Variants in TNFRSF13B observed in about 807,000 individuals in gnomAD.
The protein encoded by TNFRSF13B is tumor necrosis factor receptor superfamily member 13B.
In TNFRSF13B, 34 loss-of-function variants were observed where a neutral mutation model predicts 24.0. That is an observed-to-expected ratio of 1.41 (90% CI 1.08 to 1.88). The LOEUF (loss-of-function observed/expected upper bound fraction) is 1.88. Among genes scored for constraint, TNFRSF13B ranks in the 40% most tolerant of loss-of-function variants. The probability of loss-of-function intolerance (pLI) is 0.00; values close to 1 mark genes in which losing one functional copy is unlikely to be tolerated. For missense variants in TNFRSF13B, 415 were observed against 380.8 expected (o/e 1.09, Z -0.75); for synonymous variants, 173 against 150.3 (o/e 1.15, Z -1.10).
Position 16,939,553 on chromosome 17 carries a change from ACCTGGGCCCCCCT to A in TNFRSF13B, c.863_875del (p.Glu288ValfsTer32). On this transcript the variant is annotated frameshift_variant, in exon 5 of 5. Transcript: ENST00000261652. LOFTEE classifies it high-confidence loss of function. ...TTCCCTCCCTGACCCCCATTTATGC[ACCTGGGCCCCCCT>A]CCTGGGCAGGCACACACACAATGCC... The A allele has an allele frequency of 6.2e-7, 1 of 1,602,340 alleles. No homozygotes were observed. Among genetic ancestry groups the A allele is most frequent in the Non-Finnish European group, 8.5e-7 (1 of 1,175,696 alleles).
Position 16,939,155 on chromosome 17 carries a change from C to T in TNFRSF13B, c.*392G>A, listed in dbSNP as rs190709636. On this transcript the variant is annotated 3_prime_UTR_variant, in exon 5 of 5. Coordinates refer to ENST00000261652, the MANE Select transcript of TNFRSF13B (RefSeq NM_012452.3). The stretch of plus-strand genomic sequence containing the variant: ...TCTCGGGGGCTGTGAGCAGCAGGCA[C>T]GAGGACTTTATTGCACGTGTGGTTA... The T allele has an allele frequency of 7.0e-4, 124 of 176,874 alleles. No individual in the cohort carries two copies. Among genetic ancestry groups the T allele is most frequent in the Middle Eastern group, 5.1e-3 (2 of 390 alleles). The allele number at this position is 176,874 out of a possible 1,614,324, so 11.0% of individuals were successfully genotyped here.
intron 1 of TNFRSF13B, among the ~76,000 whole-genome samples, chr17:16,956,461 G>T (rs1214240694): frequency 6.6e-6 from 1 of 152,238 alleles, no homozygotes; most frequent in Non-Finnish European, 1.5e-5. Context: ...CTAGTCAAAG[G>T]TGTGAAATCA....
intron 4 of TNFRSF13B, 188 bp downstream of exon 4, chr17:16,940,138 G>C: frequency 7.0e-7 from 1 of 1,431,130 alleles, no homozygotes. Context: ...ACCCTTCCCG[G>C]GTGCCACTCT....
intron 3 of TNFRSF13B, among the ~76,000 whole-genome samples, chr17:16,948,176 G>A (rs926648887): frequency 2.6e-5 from 4 of 152,020 alleles, no homozygotes; most frequent in African/African-American, 7.3e-5. Flanking sequence ...CAGACACTGG[G>A]GCCTACTAGA....
At chr17:16,947,438 G>A (rs2087557062) in intron 3 of TNFRSF13B, among the ~76,000 whole-genome samples, 1 of 152,200 alleles carries the variant, frequency 6.6e-6, no homozygotes, top group Non-Finnish European at 1.5e-5. Context: ...GAAAATGTTT[G>A]CAAACTATGC....
chr17:16,939,743 G>A lies in TNFRSF13B; in HGVS notation c.686C>T (p.Thr229Ile). 1 of 1,608,940 alleles carries A rather than the reference G, an allele frequency of 6.2e-7. No individual in the cohort carries two copies. Among genetic ancestry groups the A allele is most frequent in the Non-Finnish European group, 8.5e-7 (1 of 1,176,870 alleles). The change falls in exon 5 of 5, where the codon ACC becomes ATC. Residue 229 changes from threonine to isoleucine, a missense_variant. Thr to Ile is a moderately conservative substitution (Grantham distance 89). Coordinates refer to ENST00000261652, the MANE Select transcript of TNFRSF13B (RefSeq NM_012452.3). ...PVSTSPEPVE[T>I]CSFCFPECRA... ...GCACTCAGGGAAGCAGAAGCTGCAG[G>A]TCTCCACTGGCTCGGGGGATGTGCT...
rs141019076 is a variant in TNFRSF13B, at chr17:16,941,541, G to A, written c.446-1030C>T. The A allele has an allele frequency of 9.0e-5, 89 of 987,586 alleles. No homozygotes were observed. The African/African-American group carries it at 1.3e-3, about 15-fold the overall frequency. The allele number at this position is 987,586 out of a possible 1,614,324, so 61.2% of individuals were successfully genotyped here. A position where few individuals can be genotyped will look rare whatever the true frequency, so the allele number is the denominator to read the frequency against. ...CGTCAAGAAGAGCGAGTCCCACTTC[G>A]TGCCGGGCACTTCCCCTACAGCACC... On this transcript the variant is annotated intron_variant, in intron 3 of 4. Coordinates refer to ENST00000261652, the MANE Select transcript of TNFRSF13B (RefSeq NM_012452.3).
intron 3 of TNFRSF13B, among the ~76,000 whole-genome samples, chr17:16,942,199 C>G (rs917789390): frequency 1.9e-4 from 29 of 152,134 alleles, no homozygotes; most frequent in African/African-American, 6.5e-4. Flanking sequence ...ATCTGCCGTT[C>G]ACACTCCATT....
chr17:16,939,674 T>C lies in TNFRSF13B; in HGVS notation c.755A>G (p.Asp252Gly). 1.2e-6 allele frequency: 2 copies of C among 1,610,936 alleles called. No homozygotes were observed. Among genetic ancestry groups the C allele is most frequent in the East Asian group, 4.5e-5 (2 of 44,796 alleles). Reference protein sequence around the residue: ...QESAVTPGTPDPTCAGRWGCH... With the variant: ...QESAVTPGTPGPTCAGRWGCH... ...CCCCCACCTTCCAGCACAAGTGGGG[T>C]CGGGGGTCCCAGGCGTGACTGCGCT... Residue 252 changes from aspartate to glycine, a missense_variant, in exon 5 of 5, where the codon GAC (aspartate) becomes GGC (glycine). Asp to Gly is a moderately conservative substitution (Grantham distance 94). Coordinates refer to ENST00000261652, the MANE Select transcript of TNFRSF13B (RefSeq NM_012452.3).
At chr17:16,952,321 G>T in intron 2 of TNFRSF13B, 125 bp downstream of exon 2, 1 of 1,394,456 alleles carries the variant, frequency 7.2e-7, no homozygotes, top group Non-Finnish European at 9.9e-7. Context: ...GGTAAGAGGT[G>T]CCACACTGTA....
chr17:16,961,343 A>G (rs1465894388), intron 1 of TNFRSF13B, among the ~76,000 whole-genome samples: 3 of 152,238 alleles, frequency 2.0e-5, no homozygotes, highest in Non-Finnish European at 4.4e-5. Flanking sequence ...AAACAGCCCA[A>G]TCGTTTATCA....
chr17:16,940,259 G>A (rs748055408), intron 4 of TNFRSF13B, 67 bp downstream of exon 4: 34 of 1,611,510 alleles, frequency 2.1e-5, no homozygotes, highest in South Asian at 4.4e-5. Flanking sequence ...TGACAGGACC[G>A]AGGGATGGCC....
intron 1 of TNFRSF13B, among the ~76,000 whole-genome samples, chr17:16,960,360 T>C (rs9889948): frequency 0.82 from 124,703 of 152,160 alleles, 51,716 homozygotes; most frequent in East Asian, 1. Context: ...TGCCACTTCT[T>C]TTCAACATAG....
rs1222922562 is a variant in TNFRSF13B at position 16,939,312 on chromosome 17, C to T, written c.*235G>A. ...CCCTCTCTGCCTCTCTCCCTCTCTG[C>T]CTCTCTCCTTCTCTGCCTGTCTCTT... On this transcript the variant is annotated 3_prime_UTR_variant, in exon 5 of 5. Coordinates refer to ENST00000261652, the MANE Select transcript of TNFRSF13B (RefSeq NM_012452.3). 1.2e-5 allele frequency: 6 copies of T among 507,288 alleles called. No homozygotes were observed. In the East Asian group the frequency reaches 1.7e-4, roughly 15 times the overall value. 31.4% of individuals were successfully genotyped at this position (507,288 alleles called of 1,614,324 possible).
chr17:16,939,643 G>A lies in TNFRSF13B; in HGVS notation c.786C>T (p.His262=), dbSNP rs1214015712. Reference sequence around the variant, plus strand: ...AAGGCTGCAGGACTGTGGTCCTGGTGTGGCACCCCCACCTTCCAGCACAAG... The same window carrying A: ...AAGGCTGCAGGACTGTGGTCCTGGTATGGCACCCCCACCTTCCAGCACAAG... The part of the protein sequence containing the change: ...DPTCAGRWGC[H]TRTTVLQPCP... The change falls in exon 5 of 5, where the codon CAC becomes CAT. Residue 262 remains histidine (H), a synonymous_variant. Transcript: ENST00000261652. 1.9e-6 allele frequency: 3 copies of A among 1,612,900 alleles called. No individual in the cohort carries two copies. Among genetic ancestry groups the A allele is most frequent in the Admixed American group, 3.3e-5 (2 of 59,930 alleles).
In TNFRSF13B at chr17:16,960,202, C is replaced by CT. The variant is rs569345275; in HGVS notation, c.62-7620dup. On this transcript the variant is annotated intron_variant, in intron 1 of 4. Coordinates refer to ENST00000261652, the MANE Select transcript of TNFRSF13B (RefSeq NM_012452.3). ...AGAAAAAGCACTTGACTAAATCCAA[C>CT]TTTTTTTAATGATAAAAACACTTGA... Among the ~76,000 whole-genome samples the CT allele has an allele frequency of 3.5e-3, 525 of 152,112 alleles. 6 individuals are homozygous for CT. Among genetic ancestry groups the CT allele is most frequent in the African/African-American group, 0.012 (510 of 41,498 alleles).
At chr17:16,962,998 T>G (rs1319402406) in intron 1 of TNFRSF13B, among the ~76,000 whole-genome samples, 1 of 152,174 alleles carries the variant, frequency 6.6e-6, no homozygotes, top group Admixed American at 6.5e-5. Flanking sequence ...TGAGCCACTT[T>G]GGGGATGAGC....
At chr17:16,957,877 A>C (rs891276934) in intron 1 of TNFRSF13B, among the ~76,000 whole-genome samples, 1 of 152,234 alleles carries the variant, frequency 6.6e-6, no homozygotes, top group Non-Finnish European at 1.5e-5. Context: ...GCTGAAATAA[A>C]AGTACTCTAG....
intron 1 of TNFRSF13B, among the ~76,000 whole-genome samples, chr17:16,967,774 A>T (rs2087713881): frequency 7.0e-6 from 1 of 142,284 alleles, no homozygotes; most frequent in South Asian, 2.2e-4. Context: ...AAAAAAAAAG[A>T]AAGAAAGAAA....
Sources: allele counts gnomAD v4.1 joint callset (sites outside exome capture counted in the v4.1 genomes callset), GRCh38; gene constraint gnomAD v4.1.1; transcripts MANE v1.5; gene names NCBI Gene and HGNC (gene_info 2026-07-23, HGNC 2026-07-21).